NTM: variants seen among roughly 807,000 people sequenced by gnomAD.
NTM encodes the protein IgLON family member 2.
NTM carries 13 observed loss-of-function variants against 42.1 expected under a neutral mutation model. The observed-to-expected ratio is 0.31, with a 90% CI of 0.20 to 0.49. NTM has a LOEUF of 0.49. Among genes scored for constraint, NTM ranks in the 20% least tolerant of loss-of-function variants. The probability of loss-of-function intolerance (pLI) is 0.99; values close to 1 mark genes in which losing one functional copy is unlikely to be tolerated. For synonymous variants in NTM, 187 were observed against 179.2 expected (o/e 1.04, Z -0.35); for missense variants, 373 against 452.8 (o/e 0.82, Z 1.60).
intron 1 of NTM, among the ~76,000 whole-genome samples, chr11:131,380,456 C>G (rs2135517319): frequency 6.6e-6 from 1 of 152,228 alleles, no homozygotes; most frequent in East Asian, 1.9e-4. Context: ...GGTGATCCGC[C>G]CGCCTCAGCC....
chr11:131,420,242 T>C (rs973814268), intron 1 of NTM, among the ~76,000 whole-genome samples: 1 of 152,014 alleles, frequency 6.6e-6, no homozygotes, highest in Non-Finnish European at 1.5e-5. Context: ...ATGGCAAAGG[T>C]CCTTATAAGT....
intron 1 of NTM, among the ~76,000 whole-genome samples, chr11:131,552,543 C>T (rs995221224): frequency 2.7e-4 from 39 of 147,130 alleles, no homozygotes; most frequent in Admixed American, 1.4e-3. Flanking sequence ...AGGCCGAGCG[C>T]GGTGGCTCAC....
At chr11:131,631,479 A>G (rs2063652147) in intron 1 of NTM, among the ~76,000 whole-genome samples, 1 of 152,242 alleles carries the variant, frequency 6.6e-6, no homozygotes, top group Non-Finnish European at 1.5e-5. Flanking sequence ...TGTTAATAAA[A>G]AAAATGAAAG....
intron 2 of NTM, among the ~76,000 whole-genome samples, chr11:131,958,924 G>T (rs763100951): frequency 6.6e-6 from 1 of 152,176 alleles, no homozygotes; most frequent in Non-Finnish European, 1.5e-5. Context: ...ATGGTCAAGG[G>T]TTTGGGATTT....
At chr11:132,055,366 G>T (rs1594171755) in intron 2 of NTM, among the ~76,000 whole-genome samples, 1 of 152,272 alleles carries the variant, frequency 6.6e-6, no homozygotes, top group Middle Eastern at 3.4e-3. Context: ...CACTTGGAGA[G>T]CCCTAGCGTC....
chr11:131,630,481 A>G (rs2063544246), intron 1 of NTM, among the ~76,000 whole-genome samples: 1 of 152,076 alleles, frequency 6.6e-6, no homozygotes, highest in Admixed American at 6.5e-5. Context: ...TACTTGAATT[A>G]AAGAAGAATC....
chr11:131,997,735 T>C (rs776222244), intron 2 of NTM, among the ~76,000 whole-genome samples: 18 of 152,178 alleles, frequency 1.2e-4, no homozygotes, highest in Non-Finnish European at 2.4e-4. Flanking sequence ...GAAAAAGTGC[T>C]CTCGAGCCTG....
chr11:131,877,708 A>G (rs1489807646), intron 1 of NTM: 1 of 152,246 alleles, frequency 6.6e-6, no homozygotes, highest in African/African-American at 2.4e-5. Flanking sequence ...CATCTTGATG[A>G]CAATATTTAA....
chr11:132,107,339 CTTTTTTTTTT>C (rs780844735), intron 2 of NTM, among the ~76,000 whole-genome samples: 12 of 88,866 alleles, frequency 1.4e-4, no homozygotes, highest in Non-Finnish European at 2.2e-4. Context: ...AAGATTTATC[CTTTTTTTTTT>C]TTTTTTTTTT....
intron 4 of NTM, among the ~76,000 whole-genome samples, chr11:132,303,578 G>A (rs2094945931): frequency 6.6e-6 from 1 of 152,180 alleles, no homozygotes; most frequent in Non-Finnish European, 1.5e-5. Context: ...CTGAGGTACT[G>A]ATGGTTAGGA....
intron 2 of NTM, among the ~76,000 whole-genome samples, chr11:132,043,874 C>A (rs1316153955): frequency 6.6e-6 from 1 of 152,076 alleles, no homozygotes; most frequent in African/African-American, 2.4e-5. Flanking sequence ...GTCCTGAGAA[C>A]CATTCTCCTG....
At chr11:132,028,175 CA>C (rs1328650060) in intron 2 of NTM, among the ~76,000 whole-genome samples, 1 of 151,494 alleles carries the variant, frequency 6.6e-6, no homozygotes, top group African/African-American at 2.4e-5. Context: ...TTTAAATCCT[CA>C]ATCTGATAAT....
At chr11:131,956,845 T>G (rs2061610153) in intron 2 of NTM, among the ~76,000 whole-genome samples, 1 of 152,140 alleles carries the variant, frequency 6.6e-6, no homozygotes, top group African/African-American at 2.4e-5. Flanking sequence ...CCAAGTCATG[T>G]AGTAAAAAGT....
chr11:131,671,920 A>G (rs1335615481), intron 1 of NTM, among the ~76,000 whole-genome samples: 1 of 152,060 alleles, frequency 6.6e-6, no homozygotes, highest in Non-Finnish European at 1.5e-5. Flanking sequence ...GCTCCGGGAC[A>G]AAGAGGCCTC....
chr11:131,449,035 G>A (rs78008118), intron 1 of NTM, among the ~76,000 whole-genome samples: 2,482 of 152,272 alleles, frequency 0.016, 68 homozygotes, highest in African/African-American at 0.056. Context: ...AAATGTGGTG[G>A]TGAAGAAGAA....
intron 4 of NTM, among the ~76,000 whole-genome samples, chr11:132,229,405 T>C (rs192021590): frequency 6.0e-4 from 91 of 152,334 alleles, no homozygotes; most frequent in African/African-American, 1.7e-3. Context: ...GTTTCAATAC[T>C]AACAAGAAAA....
intron 4 of NTM, among the ~76,000 whole-genome samples, chr11:132,305,020 A>G (rs1291099559): frequency 1.3e-5 from 2 of 152,234 alleles, no homozygotes; most frequent in Non-Finnish European, 2.9e-5. Context: ...ATCACCTGAC[A>G]TAAATATACA....
At chr11:132,122,891 A>G (rs934117320) in intron 2 of NTM, among the ~76,000 whole-genome samples, 2 of 152,070 alleles carry the variant, frequency 1.3e-5, no homozygotes, top group Admixed American at 6.5e-5. Context: ...ACACACTCAC[A>G]CACACTCACA....
intron 1 of NTM, among the ~76,000 whole-genome samples, chr11:131,422,418 G>A (rs943039558): frequency 2.3e-4 from 35 of 152,170 alleles, no homozygotes; most frequent in African/African-American, 8.0e-4. Context: ...GTGTTAGATT[G>A]AGAAATGTAT....
Sources: gnomAD v4.1 joint callset for allele counts (sites outside exome capture counted in the v4.1 genomes callset) on GRCh38, gnomAD v4.1.1 for gene constraint, MANE v1.5 for transcripts, NCBI Gene and HGNC (gene_info 2026-07-23, HGNC 2026-07-21) for gene names.